CHST8: variants seen among roughly 807,000 people sequenced by gnomAD.
CHST8 encodes GALNAC-4-ST1.
CHST8 carries 10 observed loss-of-function variants against 15.0 expected under a neutral mutation model. The ratio of observed to expected loss-of-function variants is 0.67; its 90% CI spans 0.41 to 1.13. The LOEUF is 1.13. Ranked by LOEUF, CHST8 falls within the 50% of genes most tolerant of loss-of-function variation. The pLI is 0.00. For synonymous variants in CHST8, 259 were observed against 256.6 expected (o/e 1.01, Z -0.09); for missense variants, 634 against 608.2 (o/e 1.04, Z -0.45).
chr19:33,622,620 C>G (rs778745441), intron 1 of CHST8, among the ~76,000 whole-genome samples: 49 of 152,244 alleles, frequency 3.2e-4, no homozygotes, highest in Non-Finnish European at 5.6e-4. Context: ...TCCTGGCCCT[C>G]GGTGCTGCCC....
At chr19:33,698,399 A>AAAAAG (rs767687002) in intron 3 of CHST8, among the ~76,000 whole-genome samples, 1 of 135,816 alleles carries the variant, frequency 7.4e-6, no homozygotes, top group Non-Finnish European at 1.5e-5. Context: ...AAAAAAAAAA[A>AAAAAG]AAAGAAAGAA....
intron 3 of CHST8, among the ~76,000 whole-genome samples, chr19:33,713,452 T>C (rs1200622202): frequency 6.6e-6 from 1 of 152,168 alleles, no homozygotes; most frequent in Non-Finnish European, 1.5e-5. Context: ...AGCTGCCCAC[T>C]TCCCTCTTTT....
intron 3 of CHST8, among the ~76,000 whole-genome samples, chr19:33,742,469 A>G (rs985893981): frequency 2.6e-5 from 4 of 152,162 alleles, no homozygotes; most frequent in South Asian, 4.1e-4. Flanking sequence ...ACTCTTTTAA[A>G]CAACCAGTTT....
intron 3 of CHST8, among the ~76,000 whole-genome samples, chr19:33,741,023 C>T (rs1974178453): frequency 6.6e-6 from 1 of 152,236 alleles, no homozygotes; most frequent in African/African-American, 2.4e-5. Flanking sequence ...AGCACTCCCT[C>T]TCCTTCCAGT....
chr19:33,634,853 C>T (rs1972172499), intron 1 of CHST8, among the ~76,000 whole-genome samples: 1 of 152,116 alleles, frequency 6.6e-6, no homozygotes. Context: ...CGTTAGTCAA[C>T]TGGGCTGCCG....
chr19:33,765,673 T>C (rs1045113796), intron 3 of CHST8, among the ~76,000 whole-genome samples: 4 of 152,088 alleles, frequency 2.6e-5, no homozygotes, highest in African/African-American at 9.7e-5. Context: ...GCGATTCTCC[T>C]GCCTCAGCCT....
At chr19:33,647,189 G>A (rs1310120360) in intron 1 of CHST8, among the ~76,000 whole-genome samples, 1 of 152,174 alleles carries the variant, frequency 6.6e-6, no homozygotes, top group Non-Finnish European at 1.5e-5. Context: ...ACACAAAGAG[G>A]ACCAATAACT....
chr19:33,637,112 T>C (rs1345801036), intron 1 of CHST8, among the ~76,000 whole-genome samples: 1 of 152,222 alleles, frequency 6.6e-6, no homozygotes, highest in African/African-American at 2.4e-5. Flanking sequence ...TGCGGGATTG[T>C]AGCTGTGAGG....
At chr19:33,657,638 T>C (rs4805919) in intron 1 of CHST8, among the ~76,000 whole-genome samples, 38,354 of 151,780 alleles carry the variant, frequency 0.25, 5,698 homozygotes, top group African/African-American at 0.38. Context: ...GGTGCAATCA[T>C]AGCTCACTGC....
intron 3 of CHST8, among the ~76,000 whole-genome samples, chr19:33,767,208 C>T (rs931287748): frequency 6.6e-6 from 1 of 152,238 alleles, no homozygotes; most frequent in Admixed American, 6.5e-5. Context: ...CCTGTCCTCA[C>T]CTGTCAGTGC....
At chr19:33,727,006 C>T (rs755987188) in intron 3 of CHST8, among the ~76,000 whole-genome samples, 31 of 151,992 alleles carry the variant, frequency 2.0e-4, no homozygotes, top group Admixed American at 7.9e-4. Context: ...CCAGCCCTTC[C>T]GTGCCACTTT....
At chr19:33,716,454 C>T (rs893868181) in intron 3 of CHST8, among the ~76,000 whole-genome samples, 1 of 152,210 alleles carries the variant, frequency 6.6e-6, no homozygotes, top group African/African-American at 2.4e-5. Context: ...ACAGCCTCCA[C>T]TTCCTAGGCT....
rs184850248 is a variant in CHST8 at position 33,649,511 on chromosome 19, C to T, written c.-163-18256C>T. On this transcript the variant is annotated intron_variant, in intron 1 of 4. Coordinates refer to ENST00000650847, the MANE Select transcript of CHST8 (RefSeq NM_001127895.2). Reference sequence around the variant, plus strand: ...GGGTGGAACAGGAATTTATGCTGAACGGGCTGGCCAAATACGCATATTCAG... The same window carrying T: ...GGGTGGAACAGGAATTTATGCTGAATGGGCTGGCCAAATACGCATATTCAG... Among the ~76,000 whole-genome samples, 917 of 152,268 alleles carry T rather than the reference C, an allele frequency of 6.0e-3. 7 individuals carry two copies. The highest frequency in any genetic ancestry group is 0.01 in the Non-Finnish European group (701 of 68,018).
At position 33,772,524 on chromosome 19, in the gene CHST8, C is replaced by T; in HGVS notation, c.736C>T (p.His246Tyr). ...LDTFDRQGIL[H>Y]RLSTYTKMLF... ...CACCTTCGACCGCCAGGGTATCTTGCACCGTCTCAGCACCTACACCAAGAT... is the reference window on the plus strand; with the variant it reads ...CACCTTCGACCGCCAGGGTATCTTGTACCGTCTCAGCACCTACACCAAGAT... The change falls in exon 5 of 5, where the codon CAC becomes TAC. Residue 246 changes from histidine (H) to tyrosine (Y), a missense_variant. By Grantham distance (83) the His-to-Tyr change is moderately conservative. Transcript: ENST00000650847. 6.2e-7 allele frequency: 1 copy of T among 1,613,984 alleles called. No homozygotes were observed. Among genetic ancestry groups the T allele is most frequent in the Non-Finnish European group, 8.5e-7 (1 of 1,179,994 alleles).
rs142225718 is a variant in CHST8, at chr19:33,679,910, G to A, written c.-86-9266G>A. 9.9e-5 allele frequency among the ~76,000 whole-genome samples: 15 copies of A among 152,278 alleles called. 1 individual carries two copies. The highest frequency in any genetic ancestry group is 2.6e-4 in the African/African-American group (11 of 41,558). ...GAGGGGCTGCCTCATCTGAGATCAC[G>A]CCCTTCTCTGGGCAACCCACATCCA... On this transcript the variant is annotated intron_variant, in intron 2 of 4. Coordinates refer to ENST00000650847, the MANE Select transcript of CHST8 (RefSeq NM_001127895.2).
intron 3 of CHST8, among the ~76,000 whole-genome samples, chr19:33,732,928 G>A (rs879581129): frequency 5.9e-5 from 9 of 152,168 alleles, no homozygotes; most frequent in Non-Finnish European, 1.0e-4. Flanking sequence ...GTGTTCAACT[G>A]GGAGCTCCTC....
intron 3 of CHST8, among the ~76,000 whole-genome samples, chr19:33,751,364 A>G (rs545205731): frequency 1.3e-5 from 2 of 152,328 alleles, no homozygotes; most frequent in African/African-American, 4.8e-5. Flanking sequence ...TAGACATCCA[A>G]GGGAAATAAT....
intron 1 of CHST8, among the ~76,000 whole-genome samples, chr19:33,625,677 C>T (rs979007451): frequency 1.3e-5 from 2 of 152,004 alleles, no homozygotes; most frequent in Non-Finnish European, 2.9e-5. Flanking sequence ...GCCTGACCTA[C>T]GTGGTGAAAC....
chr19:33,678,616 G>A (rs572499949), intron 2 of CHST8, among the ~76,000 whole-genome samples: 1 of 152,266 alleles, frequency 6.6e-6, no homozygotes, highest in African/African-American at 2.4e-5. Flanking sequence ...GTTAAATTGA[G>A]TAGTCCCAGC....
Sources: gnomAD v4.1 joint callset for allele counts (sites outside exome capture counted in the v4.1 genomes callset) on GRCh38, gnomAD v4.1.1 for gene constraint, MANE v1.5 for transcripts, NCBI Gene and HGNC (gene_info 2026-07-23, HGNC 2026-07-21) for gene names.